The following INPP4B variants were observed in gnomAD, a reference collection of about 807,000 sequenced individuals.
The protein encoded by INPP4B is inositol polyphosphate 4-phosphatase type II.
In INPP4B, 55 loss-of-function variants were observed where a neutral mutation model predicts 122.5. That is an observed-to-expected ratio of 0.45 (90% CI 0.36 to 0.56). The LOEUF (loss-of-function observed/expected upper bound fraction) is 0.56, where lower values mean the gene tolerates loss of function less well. Among genes scored for constraint, INPP4B ranks in the 20% least tolerant of loss-of-function variants. INPP4B has a pLI of 0.00. For missense variants in INPP4B, 1,000 were observed against 1,097.7 expected, an observed-to-expected ratio of 0.91 and a Z score of 1.26; for synonymous variants, 403 against 388.7, an observed-to-expected ratio of 1.04 and a Z score of -0.43.
At chr4:142,525,852 C>A (rs560673656) in intron 2 of INPP4B, among the ~76,000 whole-genome samples, 14 of 150,686 alleles carry the variant, frequency 9.3e-5, no homozygotes, top group African/African-American at 3.4e-4. Context: ...GTCTAAAACA[C>A]CAAAAGCAAT....
intron 12 of INPP4B, among the ~76,000 whole-genome samples, chr4:142,218,420 T>C (rs1848168369): frequency 6.6e-6 from 1 of 152,198 alleles, no homozygotes; most frequent in South Asian, 2.1e-4. Flanking sequence ...TTTAAAAATC[T>C]GGGTATATAA....
chr4:142,380,484 G>A (rs1041059428), intron 7 of INPP4B, among the ~76,000 whole-genome samples: 2 of 152,098 alleles, frequency 1.3e-5, no homozygotes, highest in Admixed American at 1.3e-4. Context: ...GGAAACTGTG[G>A]CAATCCTGAT....
intron 2 of INPP4B, among the ~76,000 whole-genome samples, chr4:142,478,354 CAG>C (rs2149723254): frequency 6.6e-6 from 1 of 152,144 alleles, no homozygotes; most frequent in South Asian, 2.1e-4. Context: ...TTCCTGTTCT[CAG>C]GGGGAATTCT....
At chr4:142,650,869 A>G (rs1399183736) in intron 2 of INPP4B, among the ~76,000 whole-genome samples, 2 of 152,182 alleles carry the variant, frequency 1.3e-5, no homozygotes, top group African/African-American at 4.8e-5. Flanking sequence ...GATCAAGCGG[A>G]CCTAATAGAC....
intron 2 of INPP4B, among the ~76,000 whole-genome samples, chr4:142,615,737 T>C (rs1743551770): frequency 1.3e-5 from 2 of 152,070 alleles, no homozygotes; most frequent in South Asian, 4.2e-4. Flanking sequence ...TTTTTAAGGT[T>C]TTTCTGAGGT....
At chr4:142,053,970 A>G (rs1756079402) in intron 25 of INPP4B, among the ~76,000 whole-genome samples, 3 of 134,358 alleles carry the variant, frequency 2.2e-5, no homozygotes, top group East Asian at 2.0e-4. Context: ...TAAAAGCCCA[A>G]ATGGTTTTAG....
intron 2 of INPP4B, among the ~76,000 whole-genome samples, chr4:142,581,684 T>C (rs1735123045): frequency 6.6e-6 from 1 of 151,956 alleles, no homozygotes; most frequent in East Asian, 1.9e-4. Context: ...TTCTTTCTAT[T>C]ATCATTATTT....
intron 23 of INPP4B, among the ~76,000 whole-genome samples, chr4:142,105,723 T>A (rs1786715568): frequency 6.6e-6 from 1 of 152,234 alleles, no homozygotes; most frequent in African/African-American, 2.4e-5. Flanking sequence ...AAATTAATAG[T>A]CAGCACATCC....
intron 15 of INPP4B, among the ~76,000 whole-genome samples, chr4:142,177,718 C>G (rs1021860151): frequency 6.6e-6 from 1 of 151,904 alleles, no homozygotes; most frequent in Admixed American, 6.6e-5. Flanking sequence ...CCCATCCTCA[C>G]GTTTGTGTGT....
At chr4:142,280,665 T>G (rs1750783959) in intron 9 of INPP4B, among the ~76,000 whole-genome samples, 1 of 151,970 alleles carries the variant, frequency 6.6e-6, no homozygotes, top group Non-Finnish European at 1.5e-5. Context: ...TTACTCTATG[T>G]TAATGTATAA....
chr4:142,394,244 C>T (rs1343801674), intron 7 of INPP4B, among the ~76,000 whole-genome samples: 1 of 152,186 alleles, frequency 6.6e-6, no homozygotes, highest in Non-Finnish European at 1.5e-5. Flanking sequence ...CTCCTGAGTT[C>T]ATGCCATTCT....
chr4:142,747,809 G>C (rs892980258), intron 1 of INPP4B, among the ~76,000 whole-genome samples: 1 of 152,040 alleles, frequency 6.6e-6, no homozygotes, highest in Admixed American at 6.6e-5. Flanking sequence ...TCATAACTGG[G>C]AGGTGAACAA....
At chr4:142,158,340 T>C (rs1246901288) in intron 17 of INPP4B, among the ~76,000 whole-genome samples, 3 of 152,104 alleles carry the variant, frequency 2.0e-5, no homozygotes, top group African/African-American at 7.2e-5. Context: ...CTGCGATTGC[T>C]ATTTGTCTTT....
chr4:142,317,240 G>A, intron 7 of INPP4B: 1 of 323,402 alleles, frequency 3.1e-6, no homozygotes, highest in South Asian at 3.1e-5. Flanking sequence ...TTTGAAATAT[G>A]GCAGATTATG....
chr4:142,033,843 T>C (rs1291039515), intron 25 of INPP4B, among the ~76,000 whole-genome samples: 1 of 29,060 alleles, frequency 3.4e-5, no homozygotes, highest in East Asian at 5.0e-4. Context: ...TTTTGTGTTT[T>C]TTTAATAGAG....
At chr4:142,527,394 A>G (rs946397816) in intron 2 of INPP4B, among the ~76,000 whole-genome samples, 1 of 152,006 alleles carries the variant, frequency 6.6e-6, no homozygotes, top group African/African-American at 2.4e-5. Flanking sequence ...CATATTTACA[A>G]TATATTTCTT....
intron 1 of INPP4B, among the ~76,000 whole-genome samples, chr4:142,833,296 A>G (rs1782393054): frequency 6.6e-6 from 1 of 152,126 alleles, no homozygotes; most frequent in African/African-American, 2.4e-5. Context: ...CCATAGAGTC[A>G]ATTGAGTGTA....
intron 8 of INPP4B, among the ~76,000 whole-genome samples, chr4:142,312,742 G>T (rs1219991818): frequency 1.3e-5 from 2 of 152,198 alleles, no homozygotes; most frequent in Non-Finnish European, 2.9e-5. Context: ...AGTGGAGGAA[G>T]TGGGCCCAGA....
At chr4:142,210,562 C>A (rs1252735194) in intron 12 of INPP4B, among the ~76,000 whole-genome samples, 1 of 152,094 alleles carries the variant, frequency 6.6e-6, no homozygotes. Context: ...AAAAAAGCAA[C>A]AACCACTAAA....
Sources: gnomAD v4.1 joint callset for allele counts (sites outside exome capture counted in the v4.1 genomes callset) on GRCh38, gnomAD v4.1.1 for gene constraint, MANE v1.5 for transcripts, NCBI Gene and HGNC (gene_info 2026-07-23, HGNC 2026-07-21) for gene names.